Variants in CRTAM observed in about 807,000 individuals in gnomAD.
CRTAM encodes cytotoxic and regulatory T-cell molecule.
Under a neutral mutation model 50.0 loss-of-function variants are expected in CRTAM, and 44 were observed. The observed-to-expected ratio is 0.88, with a 90% CI of 0.69 to 1.13. The LOEUF is 1.13. Among genes scored for constraint, CRTAM ranks in the 50% most tolerant of loss-of-function variants. The pLI is 0.00. For synonymous variants in CRTAM, 159 were observed against 169.3 expected, an observed-to-expected ratio of 0.94 and a Z score of 0.47; for missense variants, 448 against 457.5, an observed-to-expected ratio of 0.98 and a Z score of 0.19.
At chr11:122,844,136 G>A (rs1861832683) in intron 1 of CRTAM, among the ~76,000 whole-genome samples, 1 of 152,208 alleles carries the variant, frequency 6.6e-6, no homozygotes, top group Non-Finnish European at 1.5e-5. Flanking sequence ...CGAATTCTCA[G>A]CAAGTGCAAA....
In CRTAM at chr11:122,862,463, G is replaced by C. The variant is rs868634130; in HGVS notation, c.653-1G>C. 6.2e-7 allele frequency: 1 copy of C among 1,608,042 alleles called. No homozygotes were observed. Among genetic ancestry groups the C allele is most frequent in the Non-Finnish European group, 8.5e-7 (1 of 1,174,492 alleles). ...AGAATTTTGTTTTTCCCCTTTCCTA[G>C]TTACTGATGAAGAGACAGCTTCAGA... On this transcript the variant is annotated splice_acceptor_variant, in intron 5 of 9. Coordinates refer to ENST00000227348, the MANE Select transcript of CRTAM (RefSeq NM_019604.4). LOFTEE classifies it high-confidence loss of function.
At chr11:122,870,704 C>T (rs1371860417) in intron 9 of CRTAM, among the ~76,000 whole-genome samples, 1 of 152,118 alleles carries the variant, frequency 6.6e-6, no homozygotes, top group Non-Finnish European at 1.5e-5. Flanking sequence ...TGGTCAGCAA[C>T]AGATTATTTT....
chr11:122,858,886 G>A (rs1338062254), intron 5 of CRTAM, among the ~76,000 whole-genome samples: 2 of 151,984 alleles, frequency 1.3e-5, no homozygotes, highest in African/African-American at 4.8e-5. Flanking sequence ...CTTACCTGGG[G>A]ATAGGATTTT....
chr11:122,857,195 G>A (rs1014739803), intron 5 of CRTAM, among the ~76,000 whole-genome samples: 8 of 152,326 alleles, frequency 5.3e-5, no homozygotes, highest in South Asian at 2.1e-4. Context: ...AAGGCCAGGC[G>A]TAATGGCTCA....
At chr11:122,851,263 C>A in intron 2 of CRTAM, among the ~76,000 whole-genome samples, 1 of 41,518 alleles carries the variant, frequency 2.4e-5, no homozygotes, top group African/African-American at 1.0e-4. Context: ...AAGACTCTGT[C>A]TCTAAAAAAA....
At chr11:122,868,188 ATGTGTGTGTGTGTGTGTG>A (rs58440037) in intron 9 of CRTAM, 89 bp downstream of exon 9, 30 of 439,896 alleles carry the variant, frequency 6.8e-5, no homozygotes, top group East Asian at 2.5e-4. Context: ...ACAACAGAAT[ATGTGTGTGTGTGTGTGTG>A]TGTGTGTGTG....
chr11:122,854,748 T>C (rs1361691636), intron 4 of CRTAM, among the ~76,000 whole-genome samples: 2 of 151,806 alleles, frequency 1.3e-5, no homozygotes, highest in Non-Finnish European at 2.9e-5. Context: ...ACATAATACA[T>C]ATAATTGGAA....
In CRTAM at chr11:122,871,876, T is replaced by G. The variant is rs1862259414; in HGVS notation, c.*477T>G. 6.6e-6 allele frequency: 1 copy of G among 152,344 alleles called. No individual in the cohort carries two copies. The highest frequency in any genetic ancestry group is 2.4e-5 in the African/African-American group (1 of 41,458). The allele number at this position is 152,344 out of a possible 1,614,324, so 9.4% of individuals were successfully genotyped here. On this transcript the variant is annotated 3_prime_UTR_variant, in exon 10 of 10. Coordinates refer to ENST00000227348, the MANE Select transcript of CRTAM (RefSeq NM_019604.4). ...CTGGCCAGGCGCGGTGGCTCATGCC[T>G]GTAATCCTAGCACTTTGGGAGGCTG... is the stretch of plus-strand genomic sequence containing the variant.
At chr11:122,850,507 G>C (rs973321895) in intron 2 of CRTAM, among the ~76,000 whole-genome samples, 7 of 152,118 alleles carry the variant, frequency 4.6e-5, no homozygotes, top group African/African-American at 1.7e-4. Flanking sequence ...TTCACTCTCA[G>C]TAACTATCAC....
chr11:122,863,288 A>G (rs12795613), intron 6 of CRTAM, among the ~76,000 whole-genome samples: 42 of 88,750 alleles, frequency 4.7e-4, no homozygotes, highest in Admixed American at 6.8e-4. Context: ...AAGAAAGAAA[A>G]AGAAAGAAAG....
chr11:122,861,708 T>C (rs1176394019), intron 5 of CRTAM, among the ~76,000 whole-genome samples: 4 of 151,916 alleles, frequency 2.6e-5, no homozygotes, highest in African/African-American at 9.7e-5. Context: ...TCCAAAGTGC[T>C]GAGATTACAG....
chr11:122,846,953 G>T (rs1281176620), intron 1 of CRTAM, among the ~76,000 whole-genome samples: 2 of 152,158 alleles, frequency 1.3e-5, no homozygotes, highest in Non-Finnish European at 2.9e-5. Flanking sequence ...GAGCTACAAG[G>T]CTTTGTCTTT....
chr11:122,853,840 G>C, intron 3 of CRTAM, 103 bp from the exon 4 acceptor site: 1 of 1,069,252 alleles, frequency 9.4e-7, no homozygotes, highest in Non-Finnish European at 1.3e-6. Flanking sequence ...CCATTAATTA[G>C]AGTATACCCT....
chr11:122,850,548 CAACT>C (rs1357342736), intron 2 of CRTAM, among the ~76,000 whole-genome samples: 2 of 152,174 alleles, frequency 1.3e-5, no homozygotes, highest in Non-Finnish European at 2.9e-5. Context: ...GACAGGCAAC[CAACT>C]GACTGGGAGC....
At chr11:122,844,180 T>C (rs1241865016) in intron 1 of CRTAM, among the ~76,000 whole-genome samples, 1 of 152,246 alleles carries the variant, frequency 6.6e-6, no homozygotes, top group Non-Finnish European at 1.5e-5. Flanking sequence ...CTTTAGTGTA[T>C]AATAAAAAGC....
intron 5 of CRTAM, among the ~76,000 whole-genome samples, chr11:122,858,633 G>A (rs1862034424): frequency 6.6e-6 from 1 of 151,972 alleles, no homozygotes; most frequent in African/African-American, 2.4e-5. Flanking sequence ...AGACTTAAGT[G>A]ATCCTCCCAC....
chr11:122,858,947 C>T (rs1862038821), intron 5 of CRTAM, among the ~76,000 whole-genome samples: 1 of 152,076 alleles, frequency 6.6e-6, no homozygotes, highest in Admixed American at 6.5e-5. Context: ...GACCTCTCTA[C>T]AATCTTAAAA....
rs1258965558 is a variant in CRTAM at position 122,862,535 on chromosome 11, A to G, written c.724A>G (p.Thr242Ala). ...ATCCTCTCAAGACCCACAGCAGCCC[A>G]CCAGTACTGGTAAGTGTCAAAATCA... ...SLSSQDPQQP[T>A]STVSVTEDSS... is the part of the protein sequence containing the mutation. The change falls in exon 6 of 10, where the codon ACC (threonine) becomes GCC (alanine). Residue 242 changes from threonine to alanine, a missense_variant. Coordinates refer to ENST00000227348, the MANE Select transcript of CRTAM (RefSeq NM_019604.4). 3 of 1,597,862 alleles carry G rather than the reference A, an allele frequency of 1.9e-6. No individual in the cohort carries two copies. The highest frequency in any genetic ancestry group is 2.2e-5 in the East Asian group (1 of 44,808).
At chr11:122,849,334 G>A (rs965366236) in intron 1 of CRTAM, among the ~76,000 whole-genome samples, 3 of 152,222 alleles carry the variant, frequency 2.0e-5, no homozygotes, top group African/African-American at 7.2e-5. Context: ...ACAGCCCTGG[G>A]TACAGATCCC....
Sources: allele counts gnomAD v4.1 joint callset (sites outside exome capture counted in the v4.1 genomes callset), GRCh38; gene constraint gnomAD v4.1.1; transcripts MANE v1.5; gene names NCBI Gene and HGNC (gene_info 2026-07-23, HGNC 2026-07-21).